CBFB: variants seen among roughly 807,000 people sequenced by gnomAD.
CBFB encodes CBF-beta.
Under a neutral mutation model 30.4 loss-of-function variants are expected in CBFB, and 9 were observed. The observed-to-expected ratio is 0.30, with a 90% CI of 0.18 to 0.52. The LOEUF is 0.52. CBFB is among the 20% of genes least tolerant of loss of function. The pLI, the probability that CBFB is intolerant of heterozygous loss-of-function variation, is 0.97. For synonymous variants in CBFB, 94 were observed against 84.0 expected (o/e 1.12, Z -0.65); for missense variants, 170 against 244.0 (o/e 0.70, Z 2.02).
At chr16:67,040,033 A>C (rs1966504401) in intron 3 of CBFB, among the ~76,000 whole-genome samples, 1 of 152,156 alleles carries the variant, frequency 6.6e-6, no homozygotes, top group African/African-American at 2.4e-5. Flanking sequence ...AAAAACTCGT[A>C]CTGTACTGTT....
At chr16:67,076,450 T>A (rs2145763561) in intron 4 of CBFB, among the ~76,000 whole-genome samples, 1 of 152,268 alleles carries the variant, frequency 6.6e-6, no homozygotes, top group East Asian at 1.9e-4. Context: ...AAGTACAAAA[T>A]CAGGTAAAAC....
intron 3 of CBFB, among the ~76,000 whole-genome samples, chr16:67,055,510 C>T (rs375732197): frequency 2.6e-5 from 4 of 151,690 alleles, no homozygotes; most frequent in South Asian, 2.1e-4. Context: ...CCCGCCACCA[C>T]GCCCAGCTGA....
rs368748767 is a variant in CBFB, at chr16:67,084,165, C to CAAAAAAAAA, written c.495+1873_495+1881dup. Among the ~76,000 whole-genome samples, 101 of 54,314 alleles carry CAAAAAAAAA rather than the reference C, an allele frequency of 1.9e-3. 3 individuals are homozygous for CAAAAAAAAA. Among genetic ancestry groups the CAAAAAAAAA allele is most frequent in the African/African-American group, 5.9e-3 (79 of 13,468 alleles). The allele number at this position is 54,314 out of a possible 152,430, so 35.6% of individuals were successfully genotyped here. On this transcript the variant is annotated intron_variant, in intron 5 of 5. Coordinates refer to ENST00000412916, the MANE Select transcript of CBFB (RefSeq NM_022845.3). ...TGGATGACAGAGCAGGACCCTACCTCAAAAAAAAAAAAAAAAAAAAAAAAG... is the reference window on the plus strand; with the variant it reads ...TGGATGACAGAGCAGGACCCTACCTCAAAAAAAAAAAAAAAAAAAAAAAAAAAAAAAAAG...
intron 3 of CBFB, 37 bp downstream of exon 3, chr16:67,036,792 G>C (rs572207927): frequency 1.7e-6 from 2 of 1,165,724 alleles, no homozygotes; most frequent in Non-Finnish European, 2.6e-6. Flanking sequence ...AATACTGTGG[G>C]TTGTTTTGTT....
At chr16:67,076,917 T>A (rs575072597) in intron 4 of CBFB, among the ~76,000 whole-genome samples, 1 of 152,270 alleles carries the variant, frequency 6.6e-6, no homozygotes, top group East Asian at 1.9e-4. Flanking sequence ...TTTTTTTTTT[T>A]CATTGTCAGC....
chr16:67,058,782 T>TA (rs1960806119), intron 3 of CBFB, among the ~76,000 whole-genome samples: 1 of 152,222 alleles, frequency 6.6e-6, no homozygotes, highest in Non-Finnish European at 1.5e-5. Context: ...GTTTTCTTAA[T>TA]ACGTCAGTTT....
chr16:67,080,664 C>G (rs1384935664), intron 4 of CBFB, among the ~76,000 whole-genome samples: 1 of 152,098 alleles, frequency 6.6e-6, no homozygotes. Flanking sequence ...TTAATAATTT[C>G]CCTTGAGATT....
chr16:67,095,210 CAA>C (rs71145959), intron 5 of CBFB, among the ~76,000 whole-genome samples: 116 of 27,074 alleles, frequency 4.3e-3, no homozygotes, highest in African/African-American at 0.011. Flanking sequence ...AAGTGTGTCT[CAA>C]AAAAAAAAAA....
intron 5 of CBFB, among the ~76,000 whole-genome samples, chr16:67,097,959 A>G (rs1475430543): frequency 6.6e-6 from 1 of 152,218 alleles, no homozygotes; most frequent in African/African-American, 2.4e-5. Context: ...TATTTAATTC[A>G]TGGAAAGTAC....
chr16:67,059,201 C>T (rs1199445896), intron 3 of CBFB, among the ~76,000 whole-genome samples: 1 of 152,182 alleles, frequency 6.6e-6, no homozygotes, highest in Non-Finnish European at 1.5e-5. Context: ...AAGTACCTTC[C>T]AGACCCTCAA....
At chr16:67,029,633 C>T (rs917132886) in intron 1 of CBFB, 94 bp from the exon 2 acceptor site, 129 of 1,346,616 alleles carry the variant, frequency 9.6e-5, no homozygotes, top group Non-Finnish European at 1.2e-4. Context: ...CGCCCGCAGC[C>T]TCTGCTTGCC....
intron 5 of CBFB, among the ~76,000 whole-genome samples, chr16:67,084,165 CAAAA>C (rs368748767): frequency 0.078 from 4,219 of 54,278 alleles, 246 homozygotes; most frequent in African/African-American, 0.28. Context: ...GACCCTACCT[CAAAA>C]AAAAAAAAAA....
rs529741074 is a variant in CBFB at position 67,059,054 on chromosome 16, T to A, written c.283-7628T>A. 3.3e-5 allele frequency among the ~76,000 whole-genome samples: 5 copies of A among 152,318 alleles called. No individual in the cohort carries two copies. The East Asian group carries it at 9.6e-4, about 29-fold the overall frequency. On this transcript the variant is annotated intron_variant, in intron 3 of 5. Transcript: ENST00000412916. Reference sequence around the variant, plus strand: ...TCACTCAAAAGAGGGAACTCTGCCATCCCTTTGTACCTTTAATTTGTCTCC... The same window carrying A: ...TCACTCAAAAGAGGGAACTCTGCCAACCCTTTGTACCTTTAATTTGTCTCC...
chr16:67,039,767 T>G (rs542037723), intron 3 of CBFB, among the ~76,000 whole-genome samples: 1 of 152,292 alleles, frequency 6.6e-6, no homozygotes, highest in African/African-American at 2.4e-5. Context: ...TTTTGCAGGC[T>G]TTCAGTCTCT....
At chr16:67,055,104 A>G (rs971472494) in intron 3 of CBFB, among the ~76,000 whole-genome samples, 8 of 152,210 alleles carry the variant, frequency 5.3e-5, no homozygotes, top group Admixed American at 3.3e-4. Context: ...AATGGCTGCA[A>G]CTGAAGGGTG....
chr16:67,053,689 A>T (rs970078465), intron 3 of CBFB, among the ~76,000 whole-genome samples: 2 of 151,918 alleles, frequency 1.3e-5, no homozygotes, highest in Non-Finnish European at 2.9e-5. Context: ...TGAGTGGATT[A>T]TGGGAAACCT....
At chr16:67,034,262 T>C (rs1966405992) in intron 2 of CBFB, among the ~76,000 whole-genome samples, 1 of 152,234 alleles carries the variant, frequency 6.6e-6, no homozygotes, top group Non-Finnish European at 1.5e-5. Context: ...ATATTTCTAA[T>C]TCTAAAGATT....
chr16:67,064,040 G>A (rs188395617), intron 3 of CBFB, among the ~76,000 whole-genome samples: 16 of 152,240 alleles, frequency 1.1e-4, no homozygotes, highest in East Asian at 9.6e-4. Flanking sequence ...GAAAAGCCTC[G>A]TTAATAAATA....
At chr16:67,069,406 A>G (rs1961154929) in intron 4 of CBFB, among the ~76,000 whole-genome samples, 1 of 152,152 alleles carries the variant, frequency 6.6e-6, no homozygotes, top group Non-Finnish European at 1.5e-5. Flanking sequence ...TGGAAAGTAC[A>G]GTAGTAACAA....
Sources: gnomAD v4.1 joint callset for allele counts (sites outside exome capture counted in the v4.1 genomes callset) on GRCh38, gnomAD v4.1.1 for gene constraint, MANE v1.5 for transcripts, NCBI Gene and HGNC (gene_info 2026-07-23, HGNC 2026-07-21) for gene names.